The following NCKAP5 variants were observed in gnomAD, a reference collection of about 807,000 sequenced individuals.
The protein encoded by NCKAP5 is nck-associated protein 5.
Under a neutral mutation model 167.0 loss-of-function variants are expected in NCKAP5, and 92 were observed. The ratio of observed to expected loss-of-function variants is 0.55; its 90% CI spans 0.47 to 0.66. The LOEUF (loss-of-function observed/expected upper bound fraction) is 0.66. NCKAP5 is among the 30% of genes least tolerant of loss of function. NCKAP5 has a pLI of 0.00. For synonymous variants in NCKAP5, 891 were observed against 877.4 expected, an observed-to-expected ratio of 1.02 and a Z score of -0.27; for missense variants, 2,378 against 2,315.0, an observed-to-expected ratio of 1.03 and a Z score of -0.56.
At chr2:133,108,636 C>T (rs537959607) in intron 6 of NCKAP5, among the ~76,000 whole-genome samples, 1 of 152,320 alleles carries the variant, frequency 6.6e-6, no homozygotes, top group South Asian at 2.1e-4. Context: ...AATGGCTCTC[C>T]AGAACGTATT....
chr2:133,488,675 T>C (rs898081813), intron 3 of NCKAP5, among the ~76,000 whole-genome samples: 1 of 151,606 alleles, frequency 6.6e-6, no homozygotes, highest in African/African-American at 2.4e-5. Flanking sequence ...TCTACCAAAT[T>C]AAATTTGGGA....
intron 7 of NCKAP5, among the ~76,000 whole-genome samples, chr2:132,972,597 C>T (rs2149241040): frequency 6.6e-6 from 1 of 152,122 alleles, no homozygotes; most frequent in African/African-American, 2.4e-5. Flanking sequence ...CATGGTGGCT[C>T]ACACCTGTAA....
At chr2:133,332,724 AAAT>A (rs1239075576) in intron 3 of NCKAP5, among the ~76,000 whole-genome samples, 3 of 152,102 alleles carry the variant, frequency 2.0e-5, no homozygotes, top group African/African-American at 4.8e-5. Context: ...CCAGAAAAAA[AAAT>A]AATAATAAGT....
chr2:133,215,626 C>G (rs1163936161), intron 4 of NCKAP5, among the ~76,000 whole-genome samples: 1 of 152,024 alleles, frequency 6.6e-6, no homozygotes, highest in African/African-American at 2.4e-5. Flanking sequence ...TGATGGAATA[C>G]TATACAACAC....
intron 19 of NCKAP5, among the ~76,000 whole-genome samples, chr2:132,675,411 A>C (rs1207159711): frequency 3.9e-5 from 6 of 152,242 alleles, no homozygotes; most frequent in African/African-American, 1.2e-4. Context: ...GTGGGTGTGC[A>C]ATAAATGTAA....
At position 133,444,353 on chromosome 2, in the gene NCKAP5, A is replaced by AAGATAGAT. The variant is rs3085736; in HGVS notation, c.69+73097_69+73104dup. Among the ~76,000 whole-genome samples the AAGATAGAT allele has an allele frequency of 2.3e-3, 334 of 147,800 alleles. 1 individual carries two copies. The highest frequency in any genetic ancestry group is 4.4e-3 in the South Asian group (20 of 4,584). On this transcript the variant is annotated intron_variant, in intron 3 of 19. Transcript: ENST00000409261. ...CAAATAGCTTTTAAAGACAAAAACA[A>AAGATAGAT]AGATAGATAGATAGATAGATAGATA...
At chr2:133,238,527 T>C (rs975134815) in intron 4 of NCKAP5, among the ~76,000 whole-genome samples, 2 of 152,188 alleles carry the variant, frequency 1.3e-5, no homozygotes, top group African/African-American at 4.8e-5. Flanking sequence ...GGCACCGTTG[T>C]TTTTGCTTAT....
At chr2:132,809,788 C>T (rs1685720008) in intron 11 of NCKAP5, among the ~76,000 whole-genome samples, 2 of 152,158 alleles carry the variant, frequency 1.3e-5, no homozygotes, top group Admixed American at 6.5e-5. Flanking sequence ...TGTGACGTAC[C>T]ATTGCATTTA....
At chr2:133,590,569 G>A in the NCKAP5 span, among the ~76,000 whole-genome samples, 2 of 150,684 alleles carry the variant, frequency 1.3e-5, no homozygotes, top group African/African-American at 4.9e-5. Context: ...TTGACTGTGG[G>A]TGCAGAGGCC....
intron 3 of NCKAP5, among the ~76,000 whole-genome samples, chr2:133,401,725 G>T (rs1688111902): frequency 6.6e-6 from 1 of 152,130 alleles, no homozygotes; most frequent in African/African-American, 2.4e-5. Context: ...ATTAAAAAAA[G>T]GATATTGGGT....
At chr2:133,308,339 C>T (rs1358616926) in intron 3 of NCKAP5, among the ~76,000 whole-genome samples, 3 of 152,024 alleles carry the variant, frequency 2.0e-5, no homozygotes, top group African/African-American at 4.8e-5. Flanking sequence ...CCGCCCGCCT[C>T]GGCCTCCCAA....
the NCKAP5 span, among the ~76,000 whole-genome samples, chr2:133,609,407 C>T: frequency 6.6e-6 from 1 of 152,146 alleles, no homozygotes; most frequent in Non-Finnish European, 1.5e-5. Context: ...AGTTTAATTG[C>T]ACCTTATAAC....
chr2:133,076,846 T>A (rs1311059001), intron 6 of NCKAP5, among the ~76,000 whole-genome samples: 9 of 152,182 alleles, frequency 5.9e-5, no homozygotes, highest in Admixed American at 5.9e-4. Flanking sequence ...AGAGCCTTTC[T>A]GGAAGTTACA....
intron 11 of NCKAP5, among the ~76,000 whole-genome samples, chr2:132,804,280 A>G (rs1456858231): frequency 6.6e-6 from 1 of 152,188 alleles, no homozygotes; most frequent in Non-Finnish European, 1.5e-5. Context: ...ATATGATCTA[A>G]GGGAGGAAGT....
chr2:132,923,771 G>T (rs1695626533), intron 8 of NCKAP5, among the ~76,000 whole-genome samples: 1 of 151,978 alleles, frequency 6.6e-6, no homozygotes, highest in Non-Finnish European at 1.5e-5. Flanking sequence ...ACTCTTATTT[G>T]GTAGAAAAAG....
intron 6 of NCKAP5, among the ~76,000 whole-genome samples, chr2:133,090,105 GC>G (rs1488404873): frequency 2.6e-5 from 4 of 151,846 alleles, no homozygotes; most frequent in African/African-American, 9.7e-5. Context: ...TGTGTCTCAT[GC>G]CTGTAATCCC....
chr2:133,261,369 C>A (rs1018688936), intron 4 of NCKAP5, among the ~76,000 whole-genome samples: 4 of 152,300 alleles, frequency 2.6e-5, no homozygotes, highest in Non-Finnish European at 4.4e-5. Flanking sequence ...ACCGCTATAA[C>A]ACTTAAGTTT....
chr2:132,804,991 T>C (rs886251458), intron 11 of NCKAP5, among the ~76,000 whole-genome samples: 1 of 151,986 alleles, frequency 6.6e-6, no homozygotes, highest in Non-Finnish European at 1.5e-5. Flanking sequence ...AGTAGCTTAT[T>C]TCTGCCTAAA....
intron 8 of NCKAP5, among the ~76,000 whole-genome samples, chr2:132,905,101 C>CT (rs146914535): frequency 1.3e-4 from 19 of 151,908 alleles, no homozygotes; most frequent in African/African-American, 3.6e-4. Flanking sequence ...TTTCAATTAT[C>CT]TTTTTTTTGG....
Sources: gnomAD v4.1 joint callset for allele counts (sites outside exome capture counted in the v4.1 genomes callset) on GRCh38, gnomAD v4.1.1 for gene constraint, MANE v1.5 for transcripts, NCBI Gene and HGNC (gene_info 2026-07-23, HGNC 2026-07-21) for gene names.